PBLD: variants seen among roughly 807,000 people sequenced by gnomAD.
PBLD encodes the protein phenazine biosynthesis-like domain-containing protein.
PBLD carries 26 observed loss-of-function variants against 31.3 expected under a neutral mutation model. The observed-to-expected ratio is 0.83, with a 90% CI of 0.61 to 1.15. PBLD has a LOEUF of 1.15. Among genes scored for constraint, PBLD ranks in the 50% most tolerant of loss-of-function variants. The pLI, the probability that PBLD is intolerant of heterozygous loss-of-function variation, is 0.00. For synonymous variants in PBLD, 114 were observed against 129.0 expected, an observed-to-expected ratio of 0.88 and a Z score of 0.79; for missense variants, 307 against 351.7, an observed-to-expected ratio of 0.87 and a Z score of 1.02.
chr10:68,329,062 A>T (rs1218292619), intron 1 of PBLD, among the ~76,000 whole-genome samples: 1 of 152,196 alleles, frequency 6.6e-6, no homozygotes, highest in African/African-American at 2.4e-5. Context: ...TAGTTTTAGC[A>T]GAGACAGAGT....
At chr10:68,306,566 C>T (rs2044581658) in intron 2 of PBLD, among the ~76,000 whole-genome samples, 195 bp downstream of exon 2, 1 of 152,154 alleles carries the variant, frequency 6.6e-6, no homozygotes, top group Non-Finnish European at 1.5e-5. Flanking sequence ...TTTCATTGGA[C>T]GTACCCAAGG....
At chr10:68,307,883 A>G (rs1437845586) in intron 1 of PBLD, among the ~76,000 whole-genome samples, 1 of 152,184 alleles carries the variant, frequency 6.6e-6, no homozygotes, top group Non-Finnish European at 1.5e-5. Context: ...TATTATTACT[A>G]TTTTTTAAAA....
chr10:68,294,831 G>A (rs1373020261), intron 4 of PBLD, among the ~76,000 whole-genome samples: 3 of 152,178 alleles, frequency 2.0e-5, no homozygotes, highest in Non-Finnish European at 1.5e-5. Flanking sequence ...AGGTTCAAGC[G>A]ATTCTCCTGC....
rs1427104406 is a variant in PBLD, at chr10:68,292,232, A to G, written c.290T>C (p.Met97Thr). The G allele has an allele frequency of 6.2e-7, 1 of 1,612,796 alleles. No homozygotes were observed. Among genetic ancestry groups the G allele is most frequent in the African/African-American group, 1.3e-5 (1 of 74,998 alleles). The change falls in exon 5 of 10, where the codon ATG (methionine) becomes ACG (threonine). Residue 97 changes from methionine to threonine, a missense_variant. By Grantham distance (81) the Met-to-Thr change is moderately conservative. Coordinates refer to ENST00000358769, the MANE Select transcript of PBLD (RefSeq NM_022129.4). ...AAVLFHKIKN[M>T]NSTLTFVTLS... ...AGTGACAAACGTGAGCGTGCTATTC[A>G]TGTTTTCTGGCCAAAATAGGAATCA...
intron 1 of PBLD, among the ~76,000 whole-genome samples, chr10:68,320,098 C>T (rs2134529603): frequency 6.6e-6 from 1 of 152,236 alleles, no homozygotes; most frequent in Non-Finnish European, 1.5e-5. Flanking sequence ...GCTGGGATTA[C>T]ACGCGTGAGC....
rs559422416 is a variant in PBLD at position 68,296,169 on chromosome 10, C to T, written c.283+97G>A. ...AAGTAAACTCTGCAGAGTCTTTATA[C>T]CAGTCACTTTGGACCATCAGAAAAA... On this transcript the variant is annotated intron_variant, in intron 4 of 9. Coordinates refer to ENST00000358769, the MANE Select transcript of PBLD (RefSeq NM_022129.4). The T allele has an allele frequency of 4.7e-5, 42 of 889,574 alleles. 2 individuals are homozygous for T. In the South Asian group the frequency reaches 6.8e-4, roughly 14 times the overall value. 55.1% of individuals were successfully genotyped at this position (889,574 alleles called of 1,614,324 possible).
chr10:68,297,614 A>G (rs1228158114), intron 2 of PBLD, among the ~76,000 whole-genome samples: 1 of 152,194 alleles, frequency 6.6e-6, no homozygotes, highest in Non-Finnish European at 1.5e-5. Context: ...GGGACCTGGA[A>G]CAATGCCTGG....
intron 4 of PBLD, among the ~76,000 whole-genome samples, chr10:68,292,821 A>AT (rs2044377283): frequency 6.6e-6 from 1 of 152,046 alleles, no homozygotes; most frequent in Non-Finnish European, 1.5e-5. Context: ...GCCTCCTTAA[A>AT]TCTCAGTTTC....
At chr10:68,322,779 G>A (rs752642941) in intron 1 of PBLD, among the ~76,000 whole-genome samples, 1 of 151,826 alleles carries the variant, frequency 6.6e-6, no homozygotes, top group Non-Finnish European at 1.5e-5. Context: ...TTGAGACAGG[G>A]CCTCACTCTG....
chr10:68,284,318 A>G, intron 9 of PBLD, 29 bp from the exon 10 acceptor site: 1 of 1,559,684 alleles, frequency 6.4e-7, no homozygotes, highest in East Asian at 2.2e-5. Context: ...TCAAATTAAG[A>G]GTATTTTCAC....
At chr10:68,297,355 G>A (rs2044443801) in intron 2 of PBLD, among the ~76,000 whole-genome samples, 1 of 152,168 alleles carries the variant, frequency 6.6e-6, no homozygotes, top group Non-Finnish European at 1.5e-5. Flanking sequence ...GCGAGGTTCA[G>A]CACTCACTCT....
At chr10:68,329,276 C>T (rs1386560283) in intron 1 of PBLD, among the ~76,000 whole-genome samples, 1 of 152,120 alleles carries the variant, frequency 6.6e-6, no homozygotes, top group Admixed American at 6.6e-5. Flanking sequence ...AGTATGCACA[C>T]TGGCAGAGTG....
chr10:68,285,803 C>G (rs570891467), intron 8 of PBLD, among the ~76,000 whole-genome samples: 19 of 152,042 alleles, frequency 1.2e-4, no homozygotes, highest in South Asian at 2.1e-4. Flanking sequence ...CTCAGCCCCC[C>G]GCAAGTAGCT....
At chr10:68,320,806 A>G (rs942911104) in intron 1 of PBLD, among the ~76,000 whole-genome samples, 3 of 146,306 alleles carry the variant, frequency 2.1e-5, no homozygotes, top group Admixed American at 6.9e-5. Context: ...GGCATGAGCC[A>G]TTGTGCTCAA....
At chr10:68,284,603 A>T (rs2044264696) in intron 9 of PBLD, among the ~76,000 whole-genome samples, 1 of 152,098 alleles carries the variant, frequency 6.6e-6, no homozygotes, top group Admixed American at 6.6e-5. Context: ...TGCTCTCTCT[A>T]GGAGTAAGCA....
At position 68,307,661 on chromosome 10, in the gene PBLD, G is replaced by A. The variant is rs546167424; in HGVS notation, c.-59-758C>T. Among the ~76,000 whole-genome samples the A allele has an allele frequency of 3.7e-4, 56 of 152,060 alleles. 1 individual carries two copies. The highest frequency in any genetic ancestry group is 2.9e-3 in the Admixed American group (44 of 15,256). ...ACTACAGGCGCCCGCCACTGCGCCC[G>A]GCTAATTTTTTGTATTTTTAGTAGA... On this transcript the variant is annotated intron_variant, in intron 1 of 9. Coordinates refer to ENST00000358769, the MANE Select transcript of PBLD (RefSeq NM_022129.4).
rs2044499307 is a variant in PBLD at position 68,301,056 on chromosome 10, C to T, written c.85-4071G>A. Among the ~76,000 whole-genome samples, 3 of 152,068 alleles carry T rather than the reference C, an allele frequency of 2.0e-5. No individual in the cohort carries two copies. The South Asian group carries it at 6.2e-4, about 32-fold the overall frequency. ...GGATTACAAGTGTGTGCCACCATAC[C>T]CGGCTGATTTTTGTATTTTATTAGA... On this transcript the variant is annotated intron_variant, in intron 2 of 9. Transcript: ENST00000358769.
chr10:68,299,206 A>G (rs2044472793), intron 2 of PBLD, among the ~76,000 whole-genome samples: 1 of 151,554 alleles, frequency 6.6e-6, no homozygotes, highest in Non-Finnish European at 1.5e-5. Context: ...TTAGATTTTG[A>G]ATTTTAAAGA....
intron 9 of PBLD, among the ~76,000 whole-genome samples, chr10:68,284,825 T>C (rs1172717375): frequency 3.9e-5 from 6 of 152,186 alleles, no homozygotes; most frequent in Non-Finnish European, 7.4e-5. Context: ...GGAGAATAAT[T>C]AGACTCGCCA....
Sources: allele counts gnomAD v4.1 joint callset (sites outside exome capture counted in the v4.1 genomes callset), GRCh38; gene constraint gnomAD v4.1.1; transcripts MANE v1.5; gene names NCBI Gene and HGNC (gene_info 2026-07-23, HGNC 2026-07-21).